Variants in MAPK6 observed in about 807,000 individuals in gnomAD.
The protein encoded by MAPK6 is mitogen-activated protein kinase 6, also known as ERK-3.
A neutral mutation model predicts 59.3 loss-of-function variants in MAPK6; 19 were observed. The observed-to-expected ratio is 0.32, with a 90% CI of 0.22 to 0.47. The LOEUF (loss-of-function observed/expected upper bound fraction) is 0.47, where lower values mean the gene tolerates loss of function less well. Among genes scored for constraint, MAPK6 ranks in the 20% least tolerant of loss-of-function variants. The pLI is 1.00. For synonymous variants in MAPK6, 316 were observed against 290.3 expected (o/e 1.09, Z -0.90); for missense variants, 724 against 847.9 (o/e 0.85, Z 1.81).
chr15:52,050,205 G>A, intron 3 of MAPK6, 68 bp downstream of exon 3: 2 of 1,319,818 alleles, frequency 1.5e-6, no homozygotes, highest in Non-Finnish European at 2.1e-6. Context: ...TCTGAAGCAA[G>A]ATTCATATAA....
At chr15:52,032,987 CT>C (rs1310403646) in intron 1 of MAPK6, among the ~76,000 whole-genome samples, 5 of 151,724 alleles carry the variant, frequency 3.3e-5, no homozygotes, top group East Asian at 3.9e-4. Context: ...GCCCGGCCTC[CT>C]TTTTTTTAAT....
At chr15:51,991,263 A>AT (rs1220217220) in intron 2 of MAPK6, among the ~76,000 whole-genome samples, 25 of 152,094 alleles carry the variant, frequency 1.6e-4, no homozygotes, top group Admixed American at 1.6e-3. Flanking sequence ...ATAGGCAAAT[A>AT]TGAATTTATG....
intron 1 of MAPK6, among the ~76,000 whole-genome samples, chr15:52,039,227 C>A (rs1398957521): frequency 6.6e-6 from 1 of 152,144 alleles, no homozygotes; most frequent in Admixed American, 6.5e-5. Context: ...TCAGGCTGGT[C>A]GCAGGTGATC....
chr15:51,977,222 C>G (rs993590476), intron 1 of MAPK6, among the ~76,000 whole-genome samples: 1 of 151,488 alleles, frequency 6.6e-6, no homozygotes, highest in Non-Finnish European at 1.5e-5. Flanking sequence ...AGGCTGGTCT[C>G]GAGCTCCTGA....
At chr15:51,985,729 C>T (rs778043238) in intron 2 of MAPK6, among the ~76,000 whole-genome samples, 2 of 151,856 alleles carry the variant, frequency 1.3e-5, no homozygotes, top group Non-Finnish European at 2.9e-5. Flanking sequence ...GAGGCCGAGG[C>T]GGGCAGATCA....
chr15:52,049,218 A>G (rs1464548816), intron 2 of MAPK6, among the ~76,000 whole-genome samples: 2 of 152,212 alleles, frequency 1.3e-5, no homozygotes, highest in East Asian at 3.9e-4. Context: ...ACATTGGTTT[A>G]TAAGTAGCAC....
chr15:52,012,494 C>A (rs186093949), intron 3 of MAPK6, among the ~76,000 whole-genome samples: 34 of 152,234 alleles, frequency 2.2e-4, no homozygotes, highest in Admixed American at 1.8e-3. Context: ...CAGGTTAAGC[C>A]AAGTCTCCCA....
intron 1 of MAPK6, among the ~76,000 whole-genome samples, chr15:52,032,018 G>A (rs938963241): frequency 2.7e-5 from 4 of 150,218 alleles, no homozygotes; most frequent in Admixed American, 6.7e-5. Flanking sequence ...CTTCTGCAGC[G>A]CCCACCACCA....
At chr15:52,023,796 G>A (rs2030644799) in intron 1 of MAPK6, among the ~76,000 whole-genome samples, 1 of 152,002 alleles carries the variant, frequency 6.6e-6, no homozygotes, top group South Asian at 2.1e-4. Context: ...ATTTTTTTTA[G>A]TACAGACAGG....
rs1422920755 is a variant in MAPK6, at chr15:51,979,299, C to A, written c.-879-3907C>A. ...AAGGAAGAACAGAGAAGCTAAGAAA[C>A]TTTGCCCTAAGCTACACAGCTAAGA... On this transcript the variant is annotated intron_variant, in intron 1 of 7. Transcript: ENST00000691380. 1.3e-5 allele frequency among the ~76,000 whole-genome samples: 2 copies of A among 151,580 alleles called. 1 individual carries two copies. The highest frequency in any genetic ancestry group is 2.9e-5 in the Non-Finnish European group (2 of 67,892).
chr15:52,015,740 G>A (rs1265455167), upstream of MAPK6, among the ~76,000 whole-genome samples: 2 of 149,198 alleles, frequency 1.3e-5, no homozygotes, highest in South Asian at 2.1e-4. Flanking sequence ...GCGTGAGTCC[G>A]CGCCCAGCCC....
intron 5 of MAPK6, among the ~76,000 whole-genome samples, chr15:52,063,414 T>A (rs898210758): frequency 2.0e-5 from 3 of 152,194 alleles, no homozygotes; most frequent in Non-Finnish European, 4.4e-5. Flanking sequence ...TTCTTTTCCC[T>A]CAATGATTAT....
intron 3 of MAPK6, among the ~76,000 whole-genome samples, chr15:52,052,146 T>C (rs933998618): frequency 2.0e-5 from 3 of 152,220 alleles, no homozygotes; most frequent in Non-Finnish European, 4.4e-5. Context: ...GTGGTTTAGC[T>C]GGGTGGTTCT....
intron 2 of MAPK6, among the ~76,000 whole-genome samples, chr15:51,987,062 T>G (rs1028349667): frequency 5.9e-5 from 9 of 152,208 alleles, no homozygotes; most frequent in African/African-American, 1.9e-4. Context: ...AAAAACGTAT[T>G]ACCATATGCA....
intron 2 of MAPK6, among the ~76,000 whole-genome samples, chr15:51,999,352 A>G (rs1398596395): frequency 1.3e-5 from 2 of 152,178 alleles, no homozygotes; most frequent in African/African-American, 2.4e-5. Context: ...ATCTCATTGT[A>G]GGTTTGATTT....
rs1297221572 is a variant in MAPK6, at chr15:52,058,637, A to G, written c.705A>G (p.Ala235=). 2 of 1,601,056 alleles carry G rather than the reference A, an allele frequency of 1.2e-6. No individual in the cohort carries two copies. The highest frequency in any genetic ancestry group is 1.7e-5 in the Admixed American group (1 of 58,334). ...MLTGKTLFAG[A]HELEQMQLIL... is the part of the protein sequence containing the mutation. Reference sequence around the variant, plus strand: ...TTGTTTGTTTTTTAACCTCAGGTGCACATGAACTTGAACAGATGCAGCTGA... The same window carrying G: ...TTGTTTGTTTTTTAACCTCAGGTGCGCATGAACTTGAACAGATGCAGCTGA... The change falls in exon 4 of 6, where the codon GCA becomes GCG. Residue 235 remains alanine (A), a synonymous_variant. Coordinates refer to ENST00000261845, the MANE Select transcript of MAPK6 (RefSeq NM_002748.4).
At chr15:52,035,840 T>G (rs929684463) in intron 1 of MAPK6, among the ~76,000 whole-genome samples, 7 of 152,166 alleles carry the variant, frequency 4.6e-5, no homozygotes, top group African/African-American at 1.7e-4. Context: ...TCTCTTCCCT[T>G]CTAAAGGGTT....
At chr15:51,981,979 C>T (rs59782457) in intron 1 of MAPK6, among the ~76,000 whole-genome samples, 8,819 of 151,960 alleles carry the variant, frequency 0.058, 582 homozygotes, top group East Asian at 0.15. Flanking sequence ...TTTTTTAAGG[C>T]ACATAATAAA....
intron 1 of MAPK6, among the ~76,000 whole-genome samples, chr15:51,980,301 A>C (rs982176340): frequency 6.6e-6 from 1 of 151,090 alleles, no homozygotes; most frequent in Admixed American, 6.6e-5. Flanking sequence ...CTTAAAAAAA[A>C]AAAAGAAAAA....
Sources: gnomAD v4.1 joint callset for allele counts (sites outside exome capture counted in the v4.1 genomes callset) on GRCh38, gnomAD v4.1.1 for gene constraint, MANE v1.5 for transcripts, NCBI Gene and HGNC (gene_info 2026-07-23, HGNC 2026-07-21) for gene names.